The following PARD3 variants were observed in gnomAD, a reference collection of about 807,000 sequenced individuals.
PARD3 encodes the protein par-3 family cell polarity regulator.
A neutral mutation model predicts 155.4 loss-of-function variants in PARD3; 75 were observed. The observed-to-expected ratio is 0.48, with a 90% CI of 0.40 to 0.58. The LOEUF (loss-of-function observed/expected upper bound fraction) is 0.58, where lower values mean the gene tolerates loss of function less well. Ranked by LOEUF, PARD3 falls within the 20% of genes least tolerant of loss-of-function variation. PARD3 has a pLI of 0.00. For synonymous variants in PARD3, 576 were observed against 610.5 expected (o/e 0.94, Z 0.83); for missense variants, 1,642 against 1,721.7 (o/e 0.95, Z 0.82).
intron 22 of PARD3, among the ~76,000 whole-genome samples, chr10:34,255,633 T>C (rs1163818857): frequency 6.6e-6 from 1 of 152,216 alleles, no homozygotes; most frequent in Non-Finnish European, 1.5e-5. Flanking sequence ...GGGAACTGTT[T>C]CCAGGTCATG....
chr10:34,453,005 G>T (rs2077140619), intron 4 of PARD3, among the ~76,000 whole-genome samples: 1 of 152,084 alleles, frequency 6.6e-6, no homozygotes, highest in Admixed American at 6.5e-5. Flanking sequence ...CTTCTAACTG[G>T]ACACAGGCTC....
At chr10:34,317,364 G>A (rs1439234444) in intron 19 of PARD3, 26 bp from the exon 20 acceptor site, 2 of 1,574,626 alleles carry the variant, frequency 1.3e-6, no homozygotes, top group East Asian at 4.5e-5. Flanking sequence ...AAAAAAATAG[G>A]GACACAGTGA....
At chr10:34,134,538 T>C (rs1047470941) in intron 22 of PARD3, among the ~76,000 whole-genome samples, 1 of 152,242 alleles carries the variant, frequency 6.6e-6, no homozygotes, top group Non-Finnish European at 1.5e-5. Flanking sequence ...TGTTAAATTC[T>C]GGTGACACTG....
intron 1 of PARD3, among the ~76,000 whole-genome samples, chr10:34,750,247 G>A (rs1835828763): frequency 6.6e-6 from 1 of 151,546 alleles, no homozygotes; most frequent in South Asian, 2.1e-4. Context: ...AACCAGTTTG[G>A]GATTGAAAAC....
chr10:34,475,747 A>G (rs1407081776), intron 3 of PARD3, among the ~76,000 whole-genome samples: 7 of 152,352 alleles, frequency 4.6e-5, no homozygotes, highest in Middle Eastern at 6.8e-3. Flanking sequence ...AGTCATGCTC[A>G]CAGTGGGACA....
intron 2 of PARD3, among the ~76,000 whole-genome samples, chr10:34,525,352 CGAA>C: frequency 6.6e-6 from 1 of 152,194 alleles, no homozygotes; most frequent in East Asian, 1.9e-4. Context: ...TAAAGACTAG[CGAA>C]TGTTCCTACT....
chr10:34,699,736 A>AT lies in PARD3; in HGVS notation c.121-3318dup, dbSNP rs377684898. 1.5e-3 allele frequency among the ~76,000 whole-genome samples: 221 copies of AT among 152,312 alleles called. 1 individual carries two copies. The highest frequency in any genetic ancestry group is 5.2e-3 in the African/African-American group (218 of 41,562). On this transcript the variant is annotated intron_variant, in intron 1 of 24. Coordinates refer to ENST00000374788, the MANE Select transcript of PARD3 (RefSeq NM_001184785.2). ...TCCCAGAACTTTAGAAGGCCAAGGCATAGTGACCCACACCTGCAGTCCCAG... is the reference window on the plus strand; with the variant it reads ...TCCCAGAACTTTAGAAGGCCAAGGCATTAGTGACCCACACCTGCAGTCCCAG...
chr10:34,397,981 T>C (rs946905424), intron 7 of PARD3, among the ~76,000 whole-genome samples: 43 of 152,204 alleles, frequency 2.8e-4, no homozygotes, highest in African/African-American at 1.0e-3. Flanking sequence ...GAAAATAATA[T>C]TGTTTAACTA....
intron 2 of PARD3, among the ~76,000 whole-genome samples, chr10:34,531,172 T>C (rs758809286): frequency 3.3e-5 from 5 of 152,216 alleles, no homozygotes; most frequent in African/African-American, 1.2e-4. Context: ...TGGACTTAAA[T>C]CCTAGTGCTT....
At chr10:34,722,256 T>C (rs1251515450) in intron 1 of PARD3, among the ~76,000 whole-genome samples, 6 of 152,056 alleles carry the variant, frequency 3.9e-5, no homozygotes, top group East Asian at 1.9e-4. Flanking sequence ...TTTATGTATA[T>C]ATATAGACTG....
intron 1 of PARD3, among the ~76,000 whole-genome samples, chr10:34,705,374 G>T (rs923437373): frequency 6.6e-6 from 1 of 151,970 alleles, no homozygotes; most frequent in Non-Finnish European, 1.5e-5. Flanking sequence ...TATAGTCCCA[G>T]CTACTGGGGA....
chr10:34,115,432 AGAAACTAATTT>A (rs1372249346), intron 24 of PARD3, among the ~76,000 whole-genome samples: 1 of 152,290 alleles, frequency 6.6e-6, no homozygotes, highest in East Asian at 1.9e-4. Context: ...TATTAAGGAA[AGAAACTAATTT>A]AGGAATTAAA....
intron 15 of PARD3, among the ~76,000 whole-genome samples, chr10:34,342,896 CTT>C (rs948473039): frequency 3.8e-4 from 58 of 152,256 alleles, no homozygotes; most frequent in African/African-American, 1.1e-3. Flanking sequence ...AAAACTTTCT[CTT>C]TGATTTCAAA....
chr10:34,466,382 G>C (rs946418479), intron 4 of PARD3, among the ~76,000 whole-genome samples: 1 of 152,088 alleles, frequency 6.6e-6, no homozygotes, highest in Admixed American at 6.5e-5. Flanking sequence ...TTGTGATTTT[G>C]AACCAAAGGA....
At chr10:34,116,613 C>G (rs936589429) in intron 24 of PARD3, among the ~76,000 whole-genome samples, 3 of 152,200 alleles carry the variant, frequency 2.0e-5, no homozygotes, top group African/African-American at 7.2e-5. Context: ...TAATCTCCCT[C>G]ACAAACAGGA....
intron 22 of PARD3, among the ~76,000 whole-genome samples, chr10:34,225,313 A>G (rs777393988): frequency 2.6e-5 from 4 of 152,064 alleles, no homozygotes; most frequent in Non-Finnish European, 4.4e-5. Context: ...AGGACAAATG[A>G]AAGTTCACCA....
At chr10:34,209,966 T>A (rs1363538248) in intron 22 of PARD3, among the ~76,000 whole-genome samples, 1 of 152,246 alleles carries the variant, frequency 6.6e-6, no homozygotes. Flanking sequence ...TCTTACCTAG[T>A]GGAGATGAGA....
intron 22 of PARD3, among the ~76,000 whole-genome samples, chr10:34,213,821 AC>A (rs1239411807): frequency 1.3e-5 from 2 of 152,122 alleles, no homozygotes; most frequent in African/African-American, 4.8e-5. Context: ...CAAACGATTG[AC>A]TTTTTTCTGT....
intron 21 of PARD3, among the ~76,000 whole-genome samples, chr10:34,277,818 C>T (rs1955960147): frequency 6.6e-6 from 1 of 152,092 alleles, no homozygotes; most frequent in Admixed American, 6.6e-5. Context: ...GTAAAGAATC[C>T]AGGCAGTTAA....
Sources: allele counts gnomAD v4.1 joint callset (sites outside exome capture counted in the v4.1 genomes callset), GRCh38; gene constraint gnomAD v4.1.1; transcripts MANE v1.5; gene names NCBI Gene and HGNC (gene_info 2026-07-23, HGNC 2026-07-21).